MZF1: variants seen among roughly 807,000 people sequenced by gnomAD.
The protein encoded by MZF1 is myeloid zinc finger 1, also known as zinc finger and SCAN domain-containing protein 6.
Under a neutral mutation model 28.6 loss-of-function variants are expected in MZF1, and 24 were observed. That is an observed-to-expected ratio of 0.84 (90% CI 0.61 to 1.18). The LOEUF is 1.18. Among genes scored for constraint, MZF1 ranks in the 50% most tolerant of loss-of-function variants. MZF1 has a pLI of 0.00. For synonymous variants in MZF1, 516 were observed against 432.5 expected (o/e 1.19, Z -2.40); for missense variants, 1,166 against 1,026.4 (o/e 1.14, Z -1.86).
rs370233993 is a variant in MZF1, at chr19:58,571,193, C to T, written c.197G>A (p.Arg66Gln). 3.0e-5 allele frequency: 48 copies of T among 1,613,084 alleles called. No homozygotes were observed. The highest frequency in any genetic ancestry group is 6.6e-5 in the South Asian group (6 of 90,972). The change falls in exon 2 of 6, where the codon CGA becomes CAA. Residue 66 changes from arginine (R) to glutamine (Q), a missense_variant. Transcript: ENST00000215057. ...TGPQEALAQL[R>Q]ELCRQWLRPE... ...ACGCAGCCACTGGCGACACAGCTCT[C>T]GGAGCTGGGCCAGGGCCTCTTGGGG...
chr19:58,566,272 C>T (rs915264839), intron 5 of MZF1, among the ~76,000 whole-genome samples: 1 of 151,834 alleles, frequency 6.6e-6, no homozygotes, highest in African/African-American at 2.4e-5. Flanking sequence ...CATGGGGAAA[C>T]CCCGTCTCTA....
intron 1 of MZF1, 116 bp downstream of exon 1, chr19:58,572,939 T>G (rs1867726): frequency 0.23 from 45,756 of 198,226 alleles, 6,121 homozygotes; most frequent in East Asian, 0.29. Context: ...CCGCAAGGAC[T>G]GCCCGGATTC....
Position 58,562,140 on chromosome 19 carries a change from C to G in MZF1, c.2137G>C (p.Asp713His), listed in dbSNP as rs2053936434. Residue 713 changes from aspartate (D) to histidine (H), a missense_variant, in exon 6 of 6, where the codon GAC (aspartate) becomes CAC (histidine). Asp to His is a moderately conservative substitution (Grantham distance 81). Transcript: ENST00000215057. ...HRREKPFACQDCGRRFHQSTK... is the reference protein window; with the variant it reads ...HRREKPFACQHCGRRFHQSTK... ...CTCTGGTGGAAGCGGCGGCCACAGTCCTGGCAGGCGAAGGGCTTCTCTCGT... is the reference window on the plus strand; with the variant it reads ...CTCTGGTGGAAGCGGCGGCCACAGTGCTGGCAGGCGAAGGGCTTCTCTCGT... The G allele has an allele frequency of 6.3e-7, 1 of 1,591,200 alleles. No individual in the cohort carries two copies. The highest frequency in any genetic ancestry group is 1.1e-5 in the South Asian group (1 of 89,102).
chr19:58,572,673 T>C, intron 1 of MZF1: 1 of 1,256,332 alleles, frequency 8.0e-7, no homozygotes, highest in Non-Finnish European at 1.0e-6. Flanking sequence ...CGCCTCATCC[T>C]GGGGGCCAAG....
chr19:58,572,555 TC>T, intron 1 of MZF1: 1 of 1,289,586 alleles, frequency 7.8e-7, no homozygotes, highest in Non-Finnish European at 1.0e-6. Flanking sequence ...CTGACCTCCC[TC>T]CTCGCGCTGT....
At chr19:58,568,907 T>G (rs2054105476) in intron 5 of MZF1, 1 of 187,488 alleles carries the variant, frequency 5.3e-6, no homozygotes. Context: ...CTGCTGTCCT[T>G]GTCAGGTCCC....
chr19:58,569,305 A>T lies in MZF1; in HGVS notation c.744T>A (p.His248Gln). 6.2e-7 allele frequency: 1 copy of T among 1,609,400 alleles called. No homozygotes were observed. Among genetic ancestry groups the T allele is most frequent in the African/African-American group, 1.3e-5 (1 of 74,820 alleles). ...SWREHPRALW[H>Q]EEAGGIFSPG... is the part of the protein sequence containing the mutation. ...GGGAGAAGATGCCCCCAGCTTCCTC[A>T]TGCCACAGGGCCCTGGGGTGCTCCC... Residue 248 changes from histidine to glutamine, a missense_variant, in exon 5 of 6, where the codon CAT becomes CAA. Coordinates refer to ENST00000215057, the MANE Select transcript of MZF1 (RefSeq NM_198055.2).
At chr19:58,572,421 G>T (rs1231773343) in intron 1 of MZF1, 2 of 594,192 alleles carry the variant, frequency 3.4e-6, no homozygotes, top group Non-Finnish European at 5.3e-6. Context: ...GCAATGGGTG[G>T]GGGGGCGGCA....
intron 3 of MZF1, 118 bp from the exon 4 acceptor site, chr19:58,569,704 T>C (rs2054122002): frequency 3.4e-6 from 3 of 886,092 alleles, no homozygotes; most frequent in Admixed American, 5.5e-5. Context: ...GGGCTTGGGT[T>C]GGGGAGGGCA....
intron 2 of MZF1, 42 bp downstream of exon 2, chr19:58,570,952 T>C (rs1310515000): frequency 6.4e-7 from 1 of 1,552,760 alleles, no homozygotes; most frequent in African/African-American, 1.4e-5. Context: ...CCGAGCTGGA[T>C]GATGCTCCAG....
rs2053948073 is a variant in MZF1 at position 58,562,499 on chromosome 19, C to T, written c.1778G>A (p.Gly593Asp). ...CTCGGGGCAGGCAAAGGGTTTCTCG[C>T]CCGTGTGTACGCGGAGATGCTGCGT... ...TLTQHLRVHT[G>D]EKPFACPECG... is the part of the protein sequence containing the mutation. The change falls in exon 6 of 6, where the codon GGC becomes GAC. Residue 593 changes from glycine (G) to aspartate (D), a missense_variant. Coordinates refer to ENST00000215057, the MANE Select transcript of MZF1 (RefSeq NM_198055.2). 4 of 1,610,500 alleles carry T rather than the reference C, an allele frequency of 2.5e-6. No individual in the cohort carries two copies. Among genetic ancestry groups the T allele is most frequent in the East Asian group, 2.2e-5 (1 of 44,736 alleles).
In MZF1 at chr19:58,563,393, GGTGAT is replaced by G. The variant is rs772781863; in HGVS notation, c.879_883del (p.Gln293HisfsTer20). ...ATGCGCAAAGCCACCTTCGCGGGAG[GGTGAT>G]TGGATCTGGCCAGAAAGGCCAGCCA... is the stretch of plus-strand genomic sequence containing the variant. On this transcript the variant is annotated frameshift_variant, in exon 6 of 6. Coordinates refer to ENST00000215057, the MANE Select transcript of MZF1 (RefSeq NM_198055.2). LOFTEE classifies it low-confidence loss of function (END_TRUNC). The G allele has an allele frequency of 3.7e-5, 59 of 1,600,806 alleles. No individual in the cohort carries two copies. The highest frequency in any genetic ancestry group is 3.4e-4 in the African/African-American group (25 of 74,610).
Position 58,563,332 on chromosome 19 carries a change from C to A in MZF1, c.945G>T (p.Gln315His). The change falls in exon 6 of 6, where the codon CAG (glutamine) becomes CAT (histidine). Residue 315 changes from glutamine to histidine, a missense_variant. Transcript: ENST00000215057. ...GGCAGGGATCCTCGTCCGTGGGGTC[C>A]TGTTCACTCCTCAGATCGCTGGGGA... ...LLLPSDLRSEQDPTDEDPCRG... is the reference protein window; with the variant it reads ...LLLPSDLRSEHDPTDEDPCRG... 1 of 1,609,048 alleles carries A rather than the reference C, an allele frequency of 6.2e-7. No individual in the cohort carries two copies.
intron 3 of MZF1, 172 bp from the exon 4 acceptor site, chr19:58,569,758 G>C (rs1568684754): frequency 1.7e-6 from 1 of 591,672 alleles, no homozygotes; most frequent in East Asian, 2.9e-5. Context: ...GGGTGAAGCA[G>C]AGTACCCTGG....
rs1475259829 is a variant in MZF1, at chr19:58,564,912, T to TTG, written c.773-1409_773-1408insCA. On this transcript the variant is annotated intron_variant, in intron 5 of 5. Transcript: ENST00000215057. ...AGCATCCATGTGTGTGTTTTTTTTTTTTTTTTTTTTTTTTTTTTTTTTTTT... is the reference window on the plus strand; with the variant it reads ...AGCATCCATGTGTGTGTTTTTTTTTTTGTTTTTTTTTTTTTTTTTTTTTTTTT... 4.3e-3 allele frequency among the ~76,000 whole-genome samples: 382 copies of TTG among 88,284 alleles called. 27 individuals carry two copies. The highest frequency in any genetic ancestry group is 8.3e-3 in the African/African-American group (175 of 21,178). The allele number at this position is 88,284 out of a possible 152,430, so 57.9% of individuals were successfully genotyped here. A position where few individuals can be genotyped will look rare whatever the true frequency, so the allele number is the denominator to read the frequency against.
At position 58,572,360 on chromosome 19, in the gene MZF1, C is replaced by G. The variant is rs537929630; in HGVS notation, c.-41+695G>C. 2.0e-5 allele frequency among the ~76,000 whole-genome samples: 3 copies of G among 152,210 alleles called. No individual in the cohort carries two copies. In the South Asian group the frequency reaches 6.2e-4, roughly 32 times the overall value. ...GCCCAACATCACACTACGCAATGCC[C>G]CATCTCAGCTTCCTGATTTAGCTGG... On this transcript the variant is annotated intron_variant, in intron 1 of 5. Transcript: ENST00000215057.
At chr19:58,569,692 G>T (rs781268709) in intron 3 of MZF1, 106 bp from the exon 4 acceptor site, 34 of 1,023,022 alleles carry the variant, frequency 3.3e-5, no homozygotes, top group Admixed American at 5.2e-5. Context: ...ATTCTTGGTT[G>T]TGGGCTTGGG....
At chr19:58,573,391 G>C (rs1157819237), upstream of MZF1, 1 of 152,458 alleles carries the variant, frequency 6.6e-6, no homozygotes, top group Non-Finnish European at 1.5e-5. Flanking sequence ...GGGCCTTCCT[G>C]AGATTAGCAG....
In MZF1 at chr19:58,571,027, C is replaced by T. The variant is rs1343087660; in HGVS notation, c.363G>A (p.Gly121=). The T allele has an allele frequency of 5.0e-6, 8 of 1,611,270 alleles. No individual in the cohort carries two copies. In the Admixed American group the frequency reaches 1.3e-4, roughly 27 times the overall value. ...GGGGTCCGCCCGGCTCCCGGCGCAG[C>T]CCATCTACTAGGGCAGCAGCCTCCT... ...SPEEAAALVD[G]LRREPGGPRR... Residue 121 remains glycine (G), a synonymous_variant, in exon 2 of 6, where the codon GGG becomes GGA. Transcript: ENST00000215057.
Sources: gnomAD v4.1 joint callset for allele counts (sites outside exome capture counted in the v4.1 genomes callset) on GRCh38, gnomAD v4.1.1 for gene constraint, MANE v1.5 for transcripts, NCBI Gene and HGNC (gene_info 2026-07-23, HGNC 2026-07-21) for gene names.